Variants in CCDC158 observed in about 807,000 individuals in gnomAD.
The protein encoded by CCDC158 is coiled-coil domain containing 158.
In CCDC158, 116 loss-of-function variants were observed where a neutral mutation model predicts 138.6. That is an observed-to-expected ratio of 0.84 (90% CI 0.72 to 0.98). CCDC158 has a LOEUF of 0.98. CCDC158 is among the 50% of genes least tolerant of loss of function. The pLI, the probability that CCDC158 is intolerant of heterozygous loss-of-function variation, is 0.00. For synonymous variants in CCDC158, 436 were observed against 442.4 expected (o/e 0.99, Z 0.18); for missense variants, 1,265 against 1,306.1 (o/e 0.97, Z 0.48).
chr4:76,407,012 T>C (rs558105864), intron 2 of CCDC158, among the ~76,000 whole-genome samples: 2 of 152,152 alleles, frequency 1.3e-5, no homozygotes, highest in East Asian at 3.9e-4. Context: ...ATGAGTCAAA[T>C]TCATGAATCA....
intron 18 of CCDC158, among the ~76,000 whole-genome samples, chr4:76,340,652 G>C (rs1184300428): frequency 1.3e-5 from 2 of 151,846 alleles, no homozygotes; most frequent in Admixed American, 1.3e-4. Flanking sequence ...CACCCTTCGG[G>C]TGTCACTGTC....
At chr4:76,358,024 T>C (rs973566992) in intron 13 of CCDC158, among the ~76,000 whole-genome samples, 3 of 152,110 alleles carry the variant, frequency 2.0e-5, no homozygotes, top group Non-Finnish European at 2.9e-5. Context: ...TTTATTTATA[T>C]GTATCTATTT....
intron 18 of CCDC158, among the ~76,000 whole-genome samples, chr4:76,335,282 T>C (rs1449883866): frequency 3.9e-5 from 6 of 152,180 alleles, no homozygotes; most frequent in African/African-American, 1.4e-4. Context: ...CACGCTAATA[T>C]GCATAATACC....
upstream of CCDC158, chr4:76,421,683 C>T (rs115543595): frequency 1.3e-5 from 2 of 151,120 alleles, no homozygotes; most frequent in African/African-American, 4.9e-5. Flanking sequence ...CCTCACCCCC[C>T]CCTCCCATTC....
In CCDC158 at chr4:76,379,466, G is replaced by A; in HGVS notation, c.915-62C>T. On this transcript the variant is annotated intron_variant, in intron 8 of 24. Coordinates refer to ENST00000682701, the MANE Select transcript of CCDC158 (RefSeq NM_001394954.1). Reference sequence around the variant, plus strand: ...CAAACTAAGAATAAGAGTAACACCTGAGTATTCTAGCTTTTTGACACTACC... The same window carrying A: ...CAAACTAAGAATAAGAGTAACACCTAAGTATTCTAGCTTTTTGACACTACC... 3.3e-6 allele frequency: 3 copies of A among 915,084 alleles called. No homozygotes were observed. In the South Asian group the frequency reaches 6.0e-5, roughly 18 times the overall value. The allele number at this position is 915,084 out of a possible 1,614,324, so 56.7% of individuals were successfully genotyped here.
rs115266179 is a variant in CCDC158 at position 76,417,115 on chromosome 4, C to A, written c.-117+3850G>T. Among the ~76,000 whole-genome samples, 609 of 152,312 alleles carry A rather than the reference C, an allele frequency of 4.0e-3. 3 individuals carry two copies. The highest frequency in any genetic ancestry group is 0.014 in the African/African-American group (578 of 41,566). On this transcript the variant is annotated intron_variant, in intron 1 of 24. Transcript: ENST00000682701. ...CATGGGAACCCATCTCTCGCATCAG[C>A]GTGACCTTGATGTGAGACATGGAGT...
At chr4:76,341,848 C>A (rs1047421749) in intron 18 of CCDC158, among the ~76,000 whole-genome samples, 7 of 152,156 alleles carry the variant, frequency 4.6e-5, no homozygotes, top group Non-Finnish European at 8.8e-5. Flanking sequence ...TGGATAATTT[C>A]AACTGCCTTT....
chr4:76,352,436 A>T (rs1438165634), intron 16 of CCDC158: 1 of 152,262 alleles, frequency 6.6e-6, no homozygotes, highest in African/African-American at 2.4e-5. Context: ...AATAAATTTT[A>T]AAAAATAACC....
At chr4:76,324,090 G>C (rs1193796124) in intron 23 of CCDC158, among the ~76,000 whole-genome samples, 1 of 151,962 alleles carries the variant, frequency 6.6e-6, no homozygotes, top group Non-Finnish European at 1.5e-5. Context: ...TATTTTTAAT[G>C]GTTAATTTTC....
intron 24 of CCDC158, among the ~76,000 whole-genome samples, chr4:76,322,110 T>A (rs1251222059): frequency 6.6e-6 from 1 of 151,904 alleles, no homozygotes; most frequent in African/African-American, 2.4e-5. Context: ...TCCCTGTAAC[T>A]AAACACCACA....
chr4:76,315,188 C>CA (rs1719257897), intron 24 of CCDC158, among the ~76,000 whole-genome samples: 1 of 152,116 alleles, frequency 6.6e-6, no homozygotes, highest in Non-Finnish European at 1.5e-5. Flanking sequence ...CAGAGGCAGC[C>CA]AAAATCACCT....
intron 2 of CCDC158, among the ~76,000 whole-genome samples, chr4:76,405,473 A>T (rs773480459): frequency 6.6e-6 from 1 of 152,210 alleles, no homozygotes; most frequent in African/African-American, 2.4e-5. Flanking sequence ...GTAGGTTCTA[A>T]ATTTTTAAAA....
chr4:76,379,553 A>G, intron 8 of CCDC158, 149 bp from the exon 9 acceptor site: 1 of 433,566 alleles, frequency 2.3e-6, no homozygotes, highest in South Asian at 5.8e-5. Context: ...ACTGACTCTC[A>G]AAAGTTTCAC....
chr4:76,336,010 T>A (rs1721451142), intron 18 of CCDC158, among the ~76,000 whole-genome samples: 1 of 151,444 alleles, frequency 6.6e-6, no homozygotes, highest in African/African-American at 2.4e-5. Flanking sequence ...TGAAACCCCA[T>A]CTCTACTAAA....
chr4:76,338,467 G>T (rs533136507), intron 18 of CCDC158, among the ~76,000 whole-genome samples: 1 of 152,180 alleles, frequency 6.6e-6, no homozygotes. Context: ...GGCCAAGATC[G>T]TGCCACTGCA....
At chr4:76,365,602 A>G (rs891343440) in intron 12 of CCDC158, among the ~76,000 whole-genome samples, 2 of 152,114 alleles carry the variant, frequency 1.3e-5, no homozygotes, top group African/African-American at 2.4e-5. Flanking sequence ...TTGGAATGCC[A>G]TCCTTCCTTC....
intron 9 of CCDC158, 91 bp downstream of exon 9, chr4:76,379,199 G>A: frequency 1.6e-6 from 1 of 613,668 alleles, no homozygotes; most frequent in Non-Finnish European, 2.6e-6. Context: ...AAATTACTTT[G>A]ATTCCTTATT....
chr4:76,393,095 A>G (rs1727454062), intron 4 of CCDC158, among the ~76,000 whole-genome samples: 1 of 152,066 alleles, frequency 6.6e-6, no homozygotes, highest in Non-Finnish European at 1.5e-5. Context: ...CCCTATAAAA[A>G]TACTAATGAC....
At chr4:76,314,429 C>T (rs1434140068) in intron 24 of CCDC158, among the ~76,000 whole-genome samples, 3 of 152,190 alleles carry the variant, frequency 2.0e-5, no homozygotes, top group Non-Finnish European at 4.4e-5. Context: ...CGTGTGGAGA[C>T]TCACACTGTT....
Sources: gnomAD v4.1 joint callset for allele counts (sites outside exome capture counted in the v4.1 genomes callset) on GRCh38, gnomAD v4.1.1 for gene constraint, MANE v1.5 for transcripts, NCBI Gene and HGNC (gene_info 2026-07-23, HGNC 2026-07-21) for gene names.